The following CA5A variants were observed in gnomAD, a reference collection of about 807,000 sequenced individuals.
CA5A encodes carbonic anhydrase 5A, also known as carbonic anhydrase 5A, mitochondrial.
In CA5A, 28 loss-of-function variants were observed where a neutral mutation model predicts 37.1. The observed-to-expected ratio is 0.75, with a 90% CI of 0.56 to 1.03. The LOEUF (loss-of-function observed/expected upper bound fraction) is 1.03. CA5A is among the 50% of genes least tolerant of loss of function. The pLI, the probability that CA5A is intolerant of heterozygous loss-of-function variation, is 0.00. For synonymous variants in CA5A, 171 were observed against 158.4 expected (o/e 1.08, Z -0.60); for missense variants, 444 against 399.9 (o/e 1.11, Z -0.94).
At chr16:87,928,660 ATG>A (rs1174940774) in intron 1 of CA5A, among the ~76,000 whole-genome samples, 5 of 151,092 alleles carry the variant, frequency 3.3e-5, no homozygotes, top group African/African-American at 1.2e-4. Flanking sequence ...TTATTTGGTG[ATG>A]ATATTTAGGT....
chr16:87,905,900 C>T (rs2055954195), intron 2 of CA5A, among the ~76,000 whole-genome samples: 1 of 152,226 alleles, frequency 6.6e-6, no homozygotes, highest in Non-Finnish European at 1.5e-5. Flanking sequence ...ACATGTGGGG[C>T]TCAGCCATAA....
rs150393206 is a variant in CA5A at position 87,907,190 on chromosome 16, C to G, written c.341-2286G>C. Among the ~76,000 whole-genome samples, 183 of 152,130 alleles carry G rather than the reference C, an allele frequency of 1.2e-3. 1 individual carries two copies. The highest frequency in any genetic ancestry group is 4.3e-3 in the African/African-American group (178 of 41,488). Reference sequence around the variant, plus strand: ...CCGAGATTGCGCCAATGCACTTCAGCCTGGGCGACAGAGTGAGACTCTGTC... The same window carrying G: ...CCGAGATTGCGCCAATGCACTTCAGGCTGGGCGACAGAGTGAGACTCTGTC... On this transcript the variant is annotated intron_variant, in intron 2 of 6. Transcript: ENST00000649794.
rs2056366540 is a variant in CA5A, at chr16:87,929,481, C to A, written c.143-2536G>T. On this transcript the variant is annotated intron_variant, in intron 1 of 6. Coordinates refer to ENST00000649794, the MANE Select transcript of CA5A (RefSeq NM_001739.2). ...AAAAAAAAAAAAAAAGATATATAGT[C>A]CTGTCAGAAATGCGTCTCCACCTAG... is the stretch of plus-strand genomic sequence containing the variant. 2.0e-5 allele frequency among the ~76,000 whole-genome samples: 3 copies of A among 150,872 alleles called. No homozygotes were observed. The South Asian group carries it at 6.3e-4, about 32-fold the overall frequency.
At chr16:87,927,672 C>T (rs2056331249) in intron 1 of CA5A, among the ~76,000 whole-genome samples, 1 of 151,926 alleles carries the variant, frequency 6.6e-6, no homozygotes, top group Admixed American at 6.6e-5. Context: ...ACCAGCCTGA[C>T]CAACATGGCA....
intron 2 of CA5A, among the ~76,000 whole-genome samples, chr16:87,910,995 C>T (rs2056042111): frequency 1.3e-5 from 2 of 151,610 alleles, no homozygotes; most frequent in African/African-American, 4.9e-5. Context: ...AGGGATCTGC[C>T]GCCTCAGCCT....
In CA5A at chr16:87,891,829, C is replaced by T. The variant is rs1240080247; in HGVS notation, c.744G>A (p.Gln248=). The T allele has an allele frequency of 5.1e-6, 8 of 1,568,154 alleles. No homozygotes were observed. The highest frequency in any genetic ancestry group is 6.9e-6 in the Non-Finnish European group (8 of 1,161,008). Residue 248 remains glutamine, a synonymous_variant, in exon 6 of 7, where the codon CAG becomes CAA. Transcript: ENST00000649794. ...PLTESVTWII[Q]KEPVEVAPSQ... ...TTGGGGCCACTTCAACGGGCTCCTT[C>T]TGGATGATCCAGGTGACCGACTCGG... is the stretch of plus-strand genomic sequence containing the variant.
intron 2 of CA5A, among the ~76,000 whole-genome samples, chr16:87,926,354 TGATC>T (rs1468257869): frequency 1.3e-5 from 2 of 152,204 alleles, no homozygotes; most frequent in Non-Finnish European, 2.9e-5. Context: ...TCTGCCTAGA[TGATC>T]AAGGCCAGCG....
chr16:87,917,077 C>T (rs2056155275), intron 2 of CA5A, among the ~76,000 whole-genome samples: 2 of 147,280 alleles, frequency 1.4e-5, no homozygotes, highest in Non-Finnish European at 3.0e-5. Context: ...TGCACTCCAG[C>T]CTGGGTGACA....
Position 87,936,453 on chromosome 16 carries a change from T to G in CA5A, c.-3A>C, listed in dbSNP as rs772198066. Reference sequence around the variant, plus strand: ...TTCCAAGTGTTCCTCCCCAACATCTTGGGTCTGTTCCCACTGACTCCAGTC... The same window carrying G: ...TTCCAAGTGTTCCTCCCCAACATCTGGGGTCTGTTCCCACTGACTCCAGTC... On this transcript the variant is annotated 5_prime_UTR_variant, in exon 1 of 7. Transcript: ENST00000649794. The G allele has an allele frequency of 1.3e-5, 21 of 1,613,756 alleles. No individual in the cohort carries two copies. The Admixed American group carries it at 3.3e-4, about 26-fold the overall frequency.
intron 2 of CA5A, among the ~76,000 whole-genome samples, chr16:87,905,545 G>T (rs547141374): frequency 6.6e-6 from 1 of 152,142 alleles, no homozygotes; most frequent in African/African-American, 2.4e-5. Flanking sequence ...TTTAAGTAGA[G>T]ACGGGGTTTC....
intron 6 of CA5A, among the ~76,000 whole-genome samples, chr16:87,890,001 G>A (rs900445686): frequency 2.0e-5 from 3 of 152,192 alleles, no homozygotes; most frequent in Non-Finnish European, 2.9e-5. Context: ...CCGTGACCAC[G>A]GTGTGCTCAT....
At chr16:87,890,074 C>T (rs927525260) in intron 6 of CA5A, among the ~76,000 whole-genome samples, 6 of 152,242 alleles carry the variant, frequency 3.9e-5, no homozygotes, top group Non-Finnish European at 7.3e-5. Flanking sequence ...GAAAACTCCC[C>T]GCCTTCCAGG....
chr16:87,890,069 C>T (rs981467734), intron 6 of CA5A, among the ~76,000 whole-genome samples: 3 of 152,234 alleles, frequency 2.0e-5, no homozygotes, highest in African/African-American at 7.2e-5. Flanking sequence ...CCCTGGAAAA[C>T]TCCCCGCCTT....
intron 5 of CA5A, among the ~76,000 whole-genome samples, chr16:87,897,029 A>T (rs566099687): frequency 2.8e-4 from 43 of 152,348 alleles, no homozygotes; most frequent in African/African-American, 1.0e-3. Flanking sequence ...TTGTCCTCTT[A>T]GAGTCTCAGT....
intron 2 of CA5A, among the ~76,000 whole-genome samples, chr16:87,906,900 C>G (rs2055969151): frequency 1.3e-5 from 2 of 152,156 alleles, no homozygotes; most frequent in Admixed American, 6.5e-5. Context: ...CAGAAAGAGT[C>G]CTTCCCACAA....
intron 1 of CA5A, among the ~76,000 whole-genome samples, chr16:87,928,024 G>A (rs142253530): frequency 2.0e-5 from 3 of 152,110 alleles, no homozygotes; most frequent in East Asian, 3.9e-4. Flanking sequence ...CAGGATCCTC[G>A]GGATATCCTG....
chr16:87,929,744 C>T (rs993395264), intron 1 of CA5A, among the ~76,000 whole-genome samples: 49 of 149,830 alleles, frequency 3.3e-4, no homozygotes, highest in Non-Finnish European at 4.5e-4. Context: ...TGGTGGCGGG[C>T]GCCTGTAGTC....
At chr16:87,929,731 G>T (rs1256724629) in intron 1 of CA5A, among the ~76,000 whole-genome samples, 1 of 151,754 alleles carries the variant, frequency 6.6e-6, no homozygotes, top group Non-Finnish European at 1.5e-5. Context: ...AATTAGCCGG[G>T]CGTGGTGGCG....
chr16:87,929,852 A>G (rs1033212209), intron 1 of CA5A, among the ~76,000 whole-genome samples: 3 of 141,386 alleles, frequency 2.1e-5, no homozygotes, highest in Admixed American at 7.3e-5. Context: ...AGCCTGGGCA[A>G]TACAGCGAGA....
Sources: gnomAD v4.1 joint callset for allele counts (sites outside exome capture counted in the v4.1 genomes callset) on GRCh38, gnomAD v4.1.1 for gene constraint, MANE v1.5 for transcripts, NCBI Gene and HGNC (gene_info 2026-07-23, HGNC 2026-07-21) for gene names.